Variants in CC2D2A observed in about 807,000 individuals in gnomAD.
CC2D2A encodes coiled-coil and C2 domain containing 2A, also known as coiled-coil and C2 domain-containing protein 2A.
A neutral mutation model predicts 212.9 loss-of-function variants in CC2D2A; 155 were observed. That is an observed-to-expected ratio of 0.73 (90% CI 0.64 to 0.83). The LOEUF is 0.83. Among genes scored for constraint, CC2D2A ranks in the 40% least tolerant of loss-of-function variants. The pLI, the probability that CC2D2A is intolerant of heterozygous loss-of-function variation, is 0.00. For missense variants in CC2D2A, 1,856 were observed against 1,956.2 expected (o/e 0.95, Z 0.97); for synonymous variants, 667 against 686.5 (o/e 0.97, Z 0.44).
At chr4:15,566,289 C>A (rs1032377440) in intron 24 of CC2D2A, among the ~76,000 whole-genome samples, 31 of 152,110 alleles carry the variant, frequency 2.0e-4, no homozygotes, top group African/African-American at 7.5e-4. Flanking sequence ...TTGGCAGGCC[C>A]CAGGAGATTC....
chr4:15,562,073 T>G (rs1010752963), intron 23 of CC2D2A, among the ~76,000 whole-genome samples: 3 of 152,252 alleles, frequency 2.0e-5, no homozygotes, highest in African/African-American at 7.2e-5. Context: ...GTAGCTATTT[T>G]GTGTAAAACC....
Position 15,567,757 on chromosome 4 carries a change from C to T in CC2D2A, c.3369C>T (p.Ser1123=), listed in dbSNP as rs371089021. The T allele has an allele frequency of 3.8e-6, 6 of 1,598,284 alleles. No homozygotes were observed. Among genetic ancestry groups the T allele is most frequent in the Admixed American group, 1.8e-5 (1 of 55,174 alleles). ...HTTTAEGPNP[S]WNEELELPFR... is the part of the protein sequence containing the mutation. ...CTACGGCTGAAGGACCAAACCCTAG[C>T]TGGAATGAAGAACTAGAACTTCCAT... Residue 1123 remains serine, a synonymous_variant, in exon 26 of 37, where the codon AGC becomes AGT. Coordinates refer to ENST00000424120, the MANE Select transcript of CC2D2A (RefSeq NM_001378615.1).
intron 14 of CC2D2A, 50 bp downstream of exon 14, chr4:15,533,383 A>C (rs1405910963): frequency 7.8e-7 from 1 of 1,275,796 alleles, no homozygotes; most frequent in South Asian, 1.5e-5. Flanking sequence ...TACATTAAGA[A>C]AAATGTATAA....
At chr4:15,563,590 A>G in intron 24 of CC2D2A, 68 bp downstream of exon 24, 1 of 1,492,786 alleles carries the variant, frequency 6.7e-7, no homozygotes, top group Non-Finnish European at 9.2e-7. Flanking sequence ...GCTCCTTTAC[A>G]GCATACTCAC....
At chr4:15,474,620 A>C (rs12649187) in intron 1 of CC2D2A, among the ~76,000 whole-genome samples, 7,164 of 152,292 alleles carry the variant, frequency 0.047, 357 homozygotes, top group East Asian at 0.31. Context: ...ACAAAGGATA[A>C]ATGATTGAGG....
rs10032974 is a variant in CC2D2A at position 15,480,452 on chromosome 4, C to G, written c.124-252C>G. ...TCCTGCAGAGCTCTACATATTTTAC[C>G]TAGAAAAAGTGAAAATAATAACGTT... On this transcript the variant is annotated intron_variant, in intron 3 of 36. Transcript: ENST00000424120. 0.07 allele frequency among the ~76,000 whole-genome samples: 10,660 copies of G among 152,144 alleles called. 1,197 individuals are homozygous for G. The highest frequency in any genetic ancestry group is 0.24 in the African/African-American group (9,947 of 41,466).
At chr4:15,522,024 C>A (rs1218791986) in intron 11 of CC2D2A, among the ~76,000 whole-genome samples, 1 of 152,024 alleles carries the variant, frequency 6.6e-6, no homozygotes, top group Non-Finnish European at 1.5e-5. Context: ...CATAGTGAGA[C>A]CCCCCTACCT....
In CC2D2A at chr4:15,508,634, A is replaced by C. The variant is rs529828595; in HGVS notation, c.439-1505A>C. Among the ~76,000 whole-genome samples, 6 of 152,328 alleles carry C rather than the reference A, an allele frequency of 3.9e-5. 1 individual carries two copies. In the South Asian group the frequency reaches 1.2e-3, roughly 32 times the overall value. Reference sequence around the variant, plus strand: ...GCCAAGCTCTACAAGACAGTGCCTGATATGAATCAGACAATTTGATTCCAA... The same window carrying C: ...GCCAAGCTCTACAAGACAGTGCCTGCTATGAATCAGACAATTTGATTCCAA... On this transcript the variant is annotated intron_variant, in intron 6 of 36. Transcript: ENST00000424120.
intron 4 of CC2D2A, among the ~76,000 whole-genome samples, chr4:15,496,422 AAG>A (rs1248999407): frequency 1.3e-5 from 2 of 152,120 alleles, no homozygotes; most frequent in South Asian, 2.1e-4. Flanking sequence ...GGTGAAAGGA[AAG>A]AGTCTTCTGC....
chr4:15,486,390 T>A (rs966721474), intron 4 of CC2D2A, among the ~76,000 whole-genome samples: 10 of 152,110 alleles, frequency 6.6e-5, no homozygotes, highest in Non-Finnish European at 5.9e-5. Context: ...CTTGGTAGGT[T>A]GTATATGTCT....
intron 4 of CC2D2A, among the ~76,000 whole-genome samples, chr4:15,495,251 G>A (rs955312893): frequency 1.3e-5 from 2 of 152,120 alleles, no homozygotes; most frequent in Non-Finnish European, 2.9e-5. Context: ...GGGGATTACT[G>A]GCACATGCCA....
intron 3 of CC2D2A, among the ~76,000 whole-genome samples, chr4:15,479,705 C>T (rs1026977862): frequency 1.3e-5 from 2 of 152,108 alleles, no homozygotes; most frequent in African/African-American, 2.4e-5. Context: ...GACACAGCTC[C>T]GAAGCTTTAA....
In CC2D2A at chr4:15,516,759, A is replaced by T; in HGVS notation, c.1149+3A>T. ...AGCTTGAAACACTGTATAAAAAGGT[A>T]GACACTCCCCTCTCTCCACTTTTAT... On this transcript the variant is annotated splice_donor_region_variant and intron_variant, in intron 11 of 36. Coordinates refer to ENST00000424120, the MANE Select transcript of CC2D2A (RefSeq NM_001378615.1). The T allele has an allele frequency of 6.2e-7, 1 of 1,610,210 alleles. No individual in the cohort carries two copies. Among genetic ancestry groups the T allele is most frequent in the African/African-American group, 1.3e-5 (1 of 74,976 alleles).
chr4:15,583,723 G>A (rs561396632), intron 30 of CC2D2A, among the ~76,000 whole-genome samples: 1 of 152,250 alleles, frequency 6.6e-6, no homozygotes, highest in Non-Finnish European at 1.5e-5. Context: ...GCCGAGGCGG[G>A]CGGATCACGA....
intron 28 of CC2D2A, among the ~76,000 whole-genome samples, chr4:15,572,629 G>T (rs1720221652): frequency 6.6e-6 from 1 of 151,284 alleles, no homozygotes; most frequent in Non-Finnish European, 1.5e-5. Context: ...GCAATTATCT[G>T]GCCAAATATC....
At chr4:15,504,033 G>T (rs139846524) in intron 6 of CC2D2A, among the ~76,000 whole-genome samples, 186 of 152,266 alleles carry the variant, frequency 1.2e-3, no homozygotes, top group Non-Finnish European at 2.1e-3. Context: ...AATTCAATTG[G>T]TTTTTTGTTG....
chr4:15,523,906 C>T (rs1402631579), intron 11 of CC2D2A, among the ~76,000 whole-genome samples: 2 of 152,176 alleles, frequency 1.3e-5, no homozygotes, highest in Non-Finnish European at 2.9e-5. Flanking sequence ...AAAAAATAAA[C>T]TCTAGTCAGT....
intron 4 of CC2D2A, chr4:15,482,002 C>T (rs922728932): frequency 1.1e-5 from 11 of 985,302 alleles, no homozygotes; most frequent in South Asian, 4.7e-5. Context: ...ATTACCTGCT[C>T]ATTGTAGGGA....
chr4:15,598,462 A>G (rs1011946638), intron 35 of CC2D2A, among the ~76,000 whole-genome samples: 1 of 152,160 alleles, frequency 6.6e-6, no homozygotes, highest in African/African-American at 2.4e-5. Flanking sequence ...CTGTCCCCTC[A>G]TCTGTAAAAT....
Sources: gnomAD v4.1 joint callset for allele counts (sites outside exome capture counted in the v4.1 genomes callset) on GRCh38, gnomAD v4.1.1 for gene constraint, MANE v1.5 for transcripts, NCBI Gene and HGNC (gene_info 2026-07-23, HGNC 2026-07-21) for gene names.